Variants in SH3PXD2A observed in about 807,000 individuals in gnomAD.
The protein encoded by SH3PXD2A is SH3 and PX domains 2A.
Under a neutral mutation model 115.2 loss-of-function variants are expected in SH3PXD2A, and 32 were observed. The ratio of observed to expected loss-of-function variants is 0.28; its 90% CI spans 0.21 to 0.37. SH3PXD2A has a LOEUF of 0.37. SH3PXD2A is among the 10% of genes least tolerant of loss of function. The pLI, the probability that SH3PXD2A is intolerant of heterozygous loss-of-function variation, is 1.00. For missense variants in SH3PXD2A, 1,328 were observed against 1,498.7 expected (o/e 0.89, Z 1.88); for synonymous variants, 610 against 629.1 (o/e 0.97, Z 0.45).
chr10:103,701,150 AT>A (rs1395593658), intron 5 of SH3PXD2A, among the ~76,000 whole-genome samples: 1 of 48,046 alleles, frequency 2.1e-5, no homozygotes, highest in Non-Finnish European at 4.6e-5. Context: ...TCCACTATCC[AT>A]CCATCCATCC....
chr10:103,605,580 G>A (rs573162423), intron 14 of SH3PXD2A, among the ~76,000 whole-genome samples: 28 of 152,330 alleles, frequency 1.8e-4, no homozygotes, highest in African/African-American at 6.7e-4. Flanking sequence ...TGTGAGACAA[G>A]CCCTGTGAGC....
chr10:103,827,293 T>C (rs2039439821), intron 1 of SH3PXD2A, among the ~76,000 whole-genome samples: 3 of 152,136 alleles, frequency 2.0e-5, no homozygotes, highest in Admixed American at 2.0e-4. Flanking sequence ...CTCCTCTTCC[T>C]TTCCCTCAGC....
chr10:103,687,913 C>T (rs1383978790), intron 6 of SH3PXD2A, among the ~76,000 whole-genome samples: 2 of 152,202 alleles, frequency 1.3e-5, no homozygotes, highest in African/African-American at 2.4e-5. Flanking sequence ...CACCCCAGGG[C>T]CTTTGCACTT....
chr10:103,710,432 G>A (rs2038033999), intron 5 of SH3PXD2A, among the ~76,000 whole-genome samples: 1 of 152,166 alleles, frequency 6.6e-6, no homozygotes, highest in Non-Finnish European at 1.5e-5. Flanking sequence ...ATCACATGGT[G>A]AGATACAGTA....
At chr10:103,726,334 G>A (rs766421348) in intron 4 of SH3PXD2A, among the ~76,000 whole-genome samples, 5 of 152,264 alleles carry the variant, frequency 3.3e-5, no homozygotes, top group Non-Finnish European at 4.4e-5. Context: ...TGTGAGTGTC[G>A]TTCCAGGAAA....
rs978651003 is a variant in SH3PXD2A at position 103,855,410 on chromosome 10, C to T, written c.-144G>A. The T allele has an allele frequency of 1.2e-5, 6 of 502,962 alleles. No individual in the cohort carries two copies. The highest frequency in any genetic ancestry group is 2.0e-5 in the Non-Finnish European group (6 of 307,298). 31.2% of individuals were successfully genotyped at this position (502,962 alleles called of 1,614,324 possible). A position where few individuals can be genotyped will look rare whatever the true frequency, so the allele number is the denominator to read the frequency against. On this transcript the variant is annotated 5_prime_UTR_variant, in exon 1 of 15. Transcript: ENST00000369774. ...CGAACGCTGCCCGGACTCCCGGCGC[C>T]CACAGGTCCGGCCCAGGGACGGGGG... is the stretch of plus-strand genomic sequence containing the variant.
At chr10:103,640,605 G>GCC (rs2036940705) in intron 8 of SH3PXD2A, among the ~76,000 whole-genome samples, 1 of 152,230 alleles carries the variant, frequency 6.6e-6, no homozygotes, top group African/African-American at 2.4e-5. Flanking sequence ...GAGACATGGA[G>GCC]ATGGGAGCAA....
intron 2 of SH3PXD2A, among the ~76,000 whole-genome samples, chr10:103,797,137 T>C (rs1304673814): frequency 6.6e-6 from 1 of 152,216 alleles, no homozygotes; most frequent in Non-Finnish European, 1.5e-5. Flanking sequence ...GTGCTGGGAT[T>C]ACAGGCATGA....
chr10:103,794,496 T>A (rs1466073576), intron 2 of SH3PXD2A, among the ~76,000 whole-genome samples: 1 of 151,958 alleles, frequency 6.6e-6, no homozygotes, highest in African/African-American at 2.4e-5. Context: ...CTTCAGAGAG[T>A]CTTCCGGCCC....
chr10:103,672,147 T>A (rs1280741700), intron 6 of SH3PXD2A, among the ~76,000 whole-genome samples: 2 of 152,154 alleles, frequency 1.3e-5, no homozygotes, highest in African/African-American at 4.8e-5. Flanking sequence ...TAGCCGGGCA[T>A]GATGGTGAGC....
intron 7 of SH3PXD2A, among the ~76,000 whole-genome samples, chr10:103,663,363 G>A (rs2037339818): frequency 6.6e-6 from 1 of 152,222 alleles, no homozygotes; most frequent in South Asian, 2.1e-4. Context: ...CAGCAGGCAA[G>A]AGACGACTCT....
chr10:103,644,803 C>T (rs1452097493), intron 8 of SH3PXD2A, among the ~76,000 whole-genome samples: 3 of 152,136 alleles, frequency 2.0e-5, no homozygotes, highest in African/African-American at 7.2e-5. Context: ...TTCCCAATAG[C>T]CACATGGGTT....
At chr10:103,738,679 G>C (rs1419168202) in intron 3 of SH3PXD2A, among the ~76,000 whole-genome samples, 1 of 152,116 alleles carries the variant, frequency 6.6e-6, no homozygotes, top group Non-Finnish European at 1.5e-5. Flanking sequence ...GGACAAAAAA[G>C]AAAGCAGGGA....
intron 6 of SH3PXD2A, among the ~76,000 whole-genome samples, chr10:103,692,452 AG>A (rs1162607708): frequency 2.0e-5 from 3 of 152,152 alleles, no homozygotes; most frequent in Non-Finnish European, 4.4e-5. Context: ...CAAAACGCGG[AG>A]CCCCCACCTC....
At chr10:103,736,210 G>A (rs990607034) in intron 3 of SH3PXD2A, among the ~76,000 whole-genome samples, 5 of 152,208 alleles carry the variant, frequency 3.3e-5, no homozygotes, top group African/African-American at 7.2e-5. Flanking sequence ...TTGAGAAATC[G>A]GCATTCGTTC....
intron 13 of SH3PXD2A, among the ~76,000 whole-genome samples, chr10:103,608,164 A>AAAAAGTTTAC (rs1564842943): frequency 1.4e-5 from 2 of 145,900 alleles, no homozygotes; most frequent in Non-Finnish European, 1.5e-5. Context: ...AAAAAAAAAA[A>AAAAAGTTTAC]AAAAAAGAAC....
At chr10:103,652,661 T>C (rs904421478) in intron 8 of SH3PXD2A, among the ~76,000 whole-genome samples, 2 of 152,122 alleles carry the variant, frequency 1.3e-5, no homozygotes, top group African/African-American at 4.8e-5. Flanking sequence ...ATCTGTTACG[T>C]AACAGTGGAG....
rs994682805 is a variant in SH3PXD2A, at chr10:103,600,772, T to G, written c.*1044A>C. ...TGGCAGGCGCCAAGCTCCAGCACAG[T>G]CCACACAGTGGAAACCAAATGAAAC... is the stretch of plus-strand genomic sequence containing the variant. On this transcript the variant is annotated 3_prime_UTR_variant, in exon 15 of 15. Transcript: ENST00000369774. 1 of 152,098 alleles carries G rather than the reference T, an allele frequency of 6.6e-6. No homozygotes were observed. Among genetic ancestry groups the G allele is most frequent in the African/African-American group, 2.4e-5 (1 of 41,420 alleles). 9.4% of individuals were successfully genotyped at this position (152,098 alleles called of 1,614,324 possible).
intron 8 of SH3PXD2A, among the ~76,000 whole-genome samples, chr10:103,658,465 C>T (rs927673311): frequency 7.2e-5 from 11 of 152,302 alleles, no homozygotes; most frequent in South Asian, 4.1e-4. Context: ...TTGCACAAGA[C>T]GCCTCCTCTC....
Sources: gnomAD v4.1 joint callset for allele counts (sites outside exome capture counted in the v4.1 genomes callset) on GRCh38, gnomAD v4.1.1 for gene constraint, MANE v1.5 for transcripts, NCBI Gene and HGNC (gene_info 2026-07-23, HGNC 2026-07-21) for gene names.